Variants in UMAD1 observed in about 807,000 individuals in gnomAD.
UMAD1 encodes the protein UBAP1-MVB12-associated (UMA) domain containing 1, also known as UBAP1-MVB12-associated (UMA)-domain containing protein 1.
In UMAD1, 8 loss-of-function variants were observed where a neutral mutation model predicts 6.1. The ratio of observed to expected loss-of-function variants is 1.30; its 90% CI spans 0.76 to 2.35. The LOEUF (loss-of-function observed/expected upper bound fraction) is 2.35. Among genes scored for constraint, UMAD1 ranks in the 30% most tolerant of loss-of-function variants. The pLI is 0.00. For missense variants in UMAD1, 130 were observed against 78.4 expected, an observed-to-expected ratio of 1.66 and a Z score of -2.49; for synonymous variants, 56 against 31.4, an observed-to-expected ratio of 1.78 and a Z score of -2.61.
At chr7:7,703,993 GAA>G (rs1247258521) in intron 2 of UMAD1, among the ~76,000 whole-genome samples, 1 of 151,964 alleles carries the variant, frequency 6.6e-6, no homozygotes, top group Non-Finnish European at 1.5e-5. Flanking sequence ...AGGAAGGAAA[GAA>G]AAGAAAAGAA....
chr7:7,666,146 C>G (rs187422695), intron 1 of UMAD1, among the ~76,000 whole-genome samples: 20 of 152,228 alleles, frequency 1.3e-4, no homozygotes, highest in African/African-American at 3.6e-4. Context: ...TCCAGTTGCT[C>G]CATATCTTTG....
intron 2 of UMAD1, among the ~76,000 whole-genome samples, chr7:7,796,285 C>G (rs1782678992): frequency 1.2e-5 from 1 of 80,848 alleles, no homozygotes; most frequent in African/African-American, 8.3e-5. Flanking sequence ...GAGTTTCGCT[C>G]TTCTTGCCCA....
intron 2 of UMAD1, among the ~76,000 whole-genome samples, chr7:7,780,564 C>T (rs144286109): frequency 2.9e-4 from 44 of 152,264 alleles, no homozygotes; most frequent in Admixed American, 1.6e-3. Context: ...ATGTCGTTAG[C>T]GTCCAAATCA....
intron 3 of UMAD1, among the ~76,000 whole-genome samples, chr7:7,833,756 A>G (rs1043176095): frequency 2.6e-5 from 4 of 152,256 alleles, no homozygotes; most frequent in Middle Eastern, 3.4e-3. Flanking sequence ...ATACAAAACC[A>G]TAGTTCTATG....
intron 3 of UMAD1, among the ~76,000 whole-genome samples, chr7:7,815,723 A>G (rs1783112976): frequency 6.6e-6 from 1 of 152,182 alleles, no homozygotes; most frequent in Non-Finnish European, 1.5e-5. Flanking sequence ...ATTATAACAT[A>G]TGGCCACCCC....
At chr7:7,835,663 A>G (rs1361318351) in intron 3 of UMAD1, among the ~76,000 whole-genome samples, 1 of 151,784 alleles carries the variant, frequency 6.6e-6, no homozygotes, top group Non-Finnish European at 1.5e-5. Context: ...ATCATGATAA[A>G]AGGCCTTTAA....
At chr7:7,861,739 G>A (rs1283743384) in intron 3 of UMAD1, among the ~76,000 whole-genome samples, 3 of 152,098 alleles carry the variant, frequency 2.0e-5, no homozygotes, top group Non-Finnish European at 4.4e-5. Flanking sequence ...CAGAAAATAA[G>A]GCTTTTCTTC....
intron 3 of UMAD1, among the ~76,000 whole-genome samples, chr7:7,825,124 G>A (rs1439959259): frequency 6.6e-6 from 1 of 152,040 alleles, no homozygotes; most frequent in Admixed American, 6.6e-5. Context: ...TCTTAGAGAT[G>A]GGAATAGAGT....
chr7:7,837,623 A>G (rs1783595647), intron 3 of UMAD1, among the ~76,000 whole-genome samples: 3 of 152,110 alleles, frequency 2.0e-5, no homozygotes, highest in Admixed American at 1.3e-4. Flanking sequence ...GAGATTTAAA[A>G]AGGAACAAAA....
intron 2 of UMAD1, among the ~76,000 whole-genome samples, chr7:7,718,132 A>T (rs1299257554): frequency 6.6e-6 from 1 of 152,204 alleles, no homozygotes; most frequent in Non-Finnish European, 1.5e-5. Context: ...ATCAGATAAG[A>T]AAGTAAAACT....
At chr7:7,867,511 C>A (rs17562330) in intron 3 of UMAD1, among the ~76,000 whole-genome samples, 28,997 of 152,090 alleles carry the variant, frequency 0.19, 3,003 homozygotes, top group East Asian at 0.23. Flanking sequence ...AAGCCAAGAA[C>A]TAAAAATTCA....
intron 2 of UMAD1, chr7:7,742,001 A>G (rs1563170174): frequency 3.5e-6 from 1 of 289,418 alleles, no homozygotes; most frequent in East Asian, 7.3e-5. Context: ...ATTTTCATAA[A>G]TACTATTTTT....
intron 3 of UMAD1, among the ~76,000 whole-genome samples, chr7:7,832,422 C>T (rs966208271): frequency 2.6e-5 from 4 of 152,152 alleles, no homozygotes; most frequent in African/African-American, 9.7e-5. Flanking sequence ...GACTGATCCT[C>T]TCTTCCCAGA....
intron 3 of UMAD1, among the ~76,000 whole-genome samples, chr7:7,852,505 C>T (rs993221452): frequency 8.5e-5 from 13 of 152,208 alleles, no homozygotes; most frequent in East Asian, 7.7e-4. Context: ...TTGGGGTTCC[C>T]ACAACCCTCT....
At chr7:7,641,394 G>T (rs1053813138) in intron 1 of UMAD1, 1 of 152,282 alleles carries the variant, frequency 6.6e-6, no homozygotes, top group African/African-American at 2.4e-5. Flanking sequence ...CCGAGCTAGG[G>T]TTCTCCCTTC....
At chr7:7,800,562 C>G (rs1782779531) in intron 2 of UMAD1, among the ~76,000 whole-genome samples, 1 of 152,084 alleles carries the variant, frequency 6.6e-6, no homozygotes. Flanking sequence ...ACACTATACC[C>G]AAAGTATAGT....
chr7:7,765,459 TATC>T (rs1218338330), intron 2 of UMAD1, among the ~76,000 whole-genome samples: 1 of 152,236 alleles, frequency 6.6e-6, no homozygotes, highest in African/African-American at 2.4e-5. Context: ...AAAGTAAATT[TATC>T]ATATTAAACA....
chr7:7,802,385 A>G (rs976586557), intron 3 of UMAD1, among the ~76,000 whole-genome samples: 30 of 152,244 alleles, frequency 2.0e-4, no homozygotes, highest in African/African-American at 7.2e-4. Flanking sequence ...TCAAAAAAAA[A>G]AAAAAAAATC....
intron 2 of UMAD1, among the ~76,000 whole-genome samples, chr7:7,772,696 G>T (rs776774324): frequency 2.0e-5 from 3 of 152,192 alleles, no homozygotes; most frequent in Non-Finnish European, 4.4e-5. Flanking sequence ...GAATGGAGTA[G>T]AGGTGCCTGC....
Sources: allele counts gnomAD v4.1 joint callset (sites outside exome capture counted in the v4.1 genomes callset), GRCh38; gene constraint gnomAD v4.1.1; transcripts MANE v1.5; gene names NCBI Gene and HGNC (gene_info 2026-07-23, HGNC 2026-07-21).